PCSK5: variants seen among roughly 807,000 people sequenced by gnomAD.
PCSK5 encodes the protein proprotein convertase subtilisin/kexin type 5.
A neutral mutation model predicts 233.2 loss-of-function variants in PCSK5; 129 were observed. The observed-to-expected ratio is 0.55, with a 90% CI of 0.48 to 0.64. The LOEUF (loss-of-function observed/expected upper bound fraction) is 0.64. PCSK5 is among the 30% of genes least tolerant of loss of function. The pLI, the probability that PCSK5 is intolerant of heterozygous loss-of-function variation, is 0.00. For missense variants in PCSK5, 2,076 were observed against 2,430.1 expected, an observed-to-expected ratio of 0.85 and a Z score of 3.06; for synonymous variants, 825 against 879.2, an observed-to-expected ratio of 0.94 and a Z score of 1.09.
At chr9:76,015,977 T>A (rs1827931874) in intron 3 of PCSK5, among the ~76,000 whole-genome samples, 1 of 152,238 alleles carries the variant, frequency 6.6e-6, no homozygotes, top group Non-Finnish European at 1.5e-5. Flanking sequence ...TATGATTATT[T>A]GACACTTTTA....
intron 1 of PCSK5, among the ~76,000 whole-genome samples, chr9:75,899,387 C>T (rs1054084031): frequency 5.3e-5 from 8 of 152,064 alleles, no homozygotes; most frequent in South Asian, 2.1e-4. Flanking sequence ...GGTAAGGGCA[C>T]CTGAAATCTA....
chr9:76,239,223 C>T, intron 23 of PCSK5, 58 bp downstream of exon 23: 1 of 1,375,248 alleles, frequency 7.3e-7, no homozygotes, highest in Non-Finnish European at 1.0e-6. Context: ...GGGCTGCACC[C>T]TGGATGTCCT....
chr9:76,361,085 C>T lies in PCSK5; in HGVS notation c.*2163C>T, dbSNP rs778073242. 4.6e-5 allele frequency: 7 copies of T among 152,124 alleles called. No individual in the cohort carries two copies. The highest frequency in any genetic ancestry group is 1.0e-4 in the Non-Finnish European group (7 of 68,030). The allele number at this position is 152,124 out of a possible 1,614,324, so 9.4% of individuals were successfully genotyped here. On this transcript the variant is annotated 3_prime_UTR_variant, in exon 38 of 38. Coordinates refer to ENST00000674117, the MANE Select transcript of PCSK5 (RefSeq NM_001372043.1). ...CTTGGCCAGGCGTGGTGGCTCATACCTCTAATCCTAGCACTTTGGGAGACT... is the reference window on the plus strand; with the variant it reads ...CTTGGCCAGGCGTGGTGGCTCATACTTCTAATCCTAGCACTTTGGGAGACT...
intron 20 of PCSK5, among the ~76,000 whole-genome samples, chr9:76,206,063 C>T (rs1330852256): frequency 6.6e-6 from 1 of 152,148 alleles, no homozygotes; most frequent in Non-Finnish European, 1.5e-5. Flanking sequence ...CTTGAGTGGC[C>T]ATCAGAATCA....
intron 9 of PCSK5, among the ~76,000 whole-genome samples, chr9:76,122,487 G>A (rs538320869): frequency 3.4e-4 from 51 of 152,096 alleles, no homozygotes; most frequent in South Asian, 2.1e-3. Flanking sequence ...AAACTTTGTC[G>A]CTATTGAGAT....
intron 24 of PCSK5, among the ~76,000 whole-genome samples, chr9:76,244,808 G>A (rs1289398714): frequency 1.3e-5 from 2 of 152,120 alleles, no homozygotes; most frequent in Non-Finnish European, 2.9e-5. Context: ...AATACTTTGA[G>A]ACGAAATAAG....
intron 7 of PCSK5, among the ~76,000 whole-genome samples, chr9:76,094,890 A>T (rs747976578): frequency 6.6e-6 from 1 of 152,208 alleles, no homozygotes; most frequent in Non-Finnish European, 1.5e-5. Context: ...GATTACAAGC[A>T]TGAGCCACTA....
At chr9:75,954,622 G>C (rs1012038468) in intron 2 of PCSK5, among the ~76,000 whole-genome samples, 2 of 152,156 alleles carry the variant, frequency 1.3e-5, no homozygotes, top group African/African-American at 4.8e-5. Context: ...GAACATCCCT[G>C]TTAAGGAGAT....
intron 25 of PCSK5, among the ~76,000 whole-genome samples, chr9:76,294,498 C>A (rs1389776804): frequency 6.6e-6 from 1 of 152,164 alleles, no homozygotes; most frequent in Non-Finnish European, 1.5e-5. Context: ...GCCTCAGTGC[C>A]AGTTGCTATG....
chr9:76,080,140 A>G (rs777265077), intron 7 of PCSK5, among the ~76,000 whole-genome samples: 2 of 151,894 alleles, frequency 1.3e-5, no homozygotes, highest in Non-Finnish European at 2.9e-5. Context: ...GCCATCCTCC[A>G]ACTTTCTTTT....
intron 2 of PCSK5, among the ~76,000 whole-genome samples, chr9:75,958,087 T>C (rs1825174775): frequency 2.0e-5 from 3 of 152,216 alleles, no homozygotes; most frequent in Admixed American, 2.0e-4. Flanking sequence ...GCCCTATCTA[T>C]CTAACTGGGT....
intron 9 of PCSK5, among the ~76,000 whole-genome samples, chr9:76,109,893 C>T (rs1832139778): frequency 6.6e-6 from 1 of 152,186 alleles, no homozygotes; most frequent in African/African-American, 2.4e-5. Flanking sequence ...CAATAAGCAT[C>T]GGGCCTCCAG....
chr9:76,025,406 A>G (rs1828379551), intron 4 of PCSK5, among the ~76,000 whole-genome samples: 1 of 151,824 alleles, frequency 6.6e-6, no homozygotes, highest in African/African-American at 2.4e-5. Flanking sequence ...ATGAGGAGAG[A>G]GAGAGAGAGA....
intron 3 of PCSK5, among the ~76,000 whole-genome samples, chr9:76,001,570 T>C (rs1028044028): frequency 6.6e-6 from 1 of 151,210 alleles, no homozygotes; most frequent in African/African-American, 2.4e-5. Flanking sequence ...TACTCTAGCT[T>C]GCACAGGCAA....
chr9:75,995,304 A>G (rs1276644793), intron 3 of PCSK5, among the ~76,000 whole-genome samples: 1 of 152,164 alleles, frequency 6.6e-6, no homozygotes, highest in Non-Finnish European at 1.5e-5. Context: ...TGGAAACCTT[A>G]GTGACTCACA....
At chr9:76,040,887 TCTA>T (rs1829089213) in intron 5 of PCSK5, among the ~76,000 whole-genome samples, 1 of 152,206 alleles carries the variant, frequency 6.6e-6, no homozygotes, top group Non-Finnish European at 1.5e-5. Flanking sequence ...TCATTAAAAA[TCTA>T]CTAGTGATAT....
chr9:76,215,010 A>T (rs1457112588), intron 20 of PCSK5, among the ~76,000 whole-genome samples: 1 of 152,168 alleles, frequency 6.6e-6, no homozygotes, highest in East Asian at 1.9e-4. Context: ...GGTTGTTTTT[A>T]TTCCATAGAA....
At chr9:76,338,636 G>A (rs1305370960) in intron 35 of PCSK5, among the ~76,000 whole-genome samples, 189 bp downstream of exon 35, 2 of 152,130 alleles carry the variant, frequency 1.3e-5, no homozygotes, top group African/African-American at 4.8e-5. Flanking sequence ...AACCTGGGCT[G>A]CTCCTGCCCA....
intron 20 of PCSK5, chr9:76,193,459 T>G: frequency 1.2e-6 from 1 of 816,402 alleles, no homozygotes; most frequent in East Asian, 2.8e-5. Flanking sequence ...ACCTCTCTCT[T>G]TCTTTTCTTG....
Sources: allele counts gnomAD v4.1 joint callset (sites outside exome capture counted in the v4.1 genomes callset), GRCh38; gene constraint gnomAD v4.1.1; transcripts MANE v1.5; gene names NCBI Gene and HGNC (gene_info 2026-07-23, HGNC 2026-07-21).